The following INPP5A variants were observed in gnomAD, a reference collection of about 807,000 sequenced individuals.
The protein encoded by INPP5A is 43 kDa inositol polyphosphate 5-phophatase.
A neutral mutation model predicts 65.2 loss-of-function variants in INPP5A; 14 were observed. That is an observed-to-expected ratio of 0.21 (90% confidence interval 0.14 to 0.34). The LOEUF (loss-of-function observed/expected upper bound fraction) is 0.34, where lower values mean the gene tolerates loss of function less well. Among genes scored for constraint, INPP5A ranks in the 10% least tolerant of loss-of-function variants. The pLI, the probability that INPP5A is intolerant of heterozygous loss-of-function variation, is 1.00. For synonymous variants in INPP5A, 207 were observed against 208.3 expected (o/e 0.99, Z 0.05); for missense variants, 431 against 545.6 (o/e 0.79, Z 2.09).
chr10:132,725,435 G>T (rs571444733), intron 8 of INPP5A, among the ~76,000 whole-genome samples: 7 of 152,360 alleles, frequency 4.6e-5, no homozygotes, highest in Non-Finnish European at 7.3e-5. Flanking sequence ...GGTGTCAGCG[G>T]TGGCGGCGGG....
chr10:132,559,772 C>T (rs1017521341), intron 1 of INPP5A, among the ~76,000 whole-genome samples: 1 of 152,194 alleles, frequency 6.6e-6, no homozygotes, highest in Non-Finnish European at 1.5e-5. Flanking sequence ...AGTTACTTAG[C>T]ATGTGTGTTC....
intron 4 of INPP5A, among the ~76,000 whole-genome samples, chr10:132,669,113 C>A (rs561232835): frequency 6.6e-6 from 1 of 152,074 alleles, no homozygotes; most frequent in South Asian, 2.1e-4. Context: ...ATTAGCCAGG[C>A]GTGGTGGTGG....
intron 1 of INPP5A, among the ~76,000 whole-genome samples, chr10:132,563,648 G>A (rs2071234572): frequency 6.6e-6 from 1 of 152,128 alleles, no homozygotes; most frequent in Non-Finnish European, 1.5e-5. Flanking sequence ...GTGCGAGTGG[G>A]TGTCCTACAG....
intron 9 of INPP5A, among the ~76,000 whole-genome samples, chr10:132,740,059 T>C (rs1846246906): frequency 6.6e-6 from 1 of 152,214 alleles, no homozygotes; most frequent in African/African-American, 2.4e-5. Context: ...ATTGGCTGGT[T>C]GTCCTCCTTT....
chr10:132,582,805 T>C (rs892207022), intron 1 of INPP5A, among the ~76,000 whole-genome samples: 1 of 152,250 alleles, frequency 6.6e-6, no homozygotes, highest in African/African-American at 2.4e-5. Flanking sequence ...CATCAGTCCA[T>C]TGAATTTTAT....
intron 4 of INPP5A, among the ~76,000 whole-genome samples, chr10:132,683,763 G>A (rs2073083062): frequency 6.6e-6 from 1 of 152,220 alleles, no homozygotes; most frequent in South Asian, 2.1e-4. Flanking sequence ...CGCCCAGGCT[G>A]GAGTGCAGTG....
intron 2 of INPP5A, among the ~76,000 whole-genome samples, chr10:132,615,231 C>T (rs534562075): frequency 1.1e-4 from 17 of 152,370 alleles, no homozygotes; most frequent in Non-Finnish European, 2.2e-4. Context: ...GCCCGCAGCC[C>T]GTGGGCCACA....
chr10:132,591,623 G>T (rs541094489), intron 1 of INPP5A, among the ~76,000 whole-genome samples: 5 of 152,180 alleles, frequency 3.3e-5, no homozygotes, highest in African/African-American at 1.2e-4. Flanking sequence ...CAGGCCTTCC[G>T]CCTGGTTGTT....
In INPP5A at chr10:132,641,162, CTG is replaced by C. The variant is rs555845063; in HGVS notation, c.118-4702_118-4701del. On this transcript the variant is annotated intron_variant, in intron 2 of 15. Transcript: ENST00000368594. ...GTAGGAGTGTTTCTGTAAAGAGGGA[CTG>C]TGTCCCCTGTGCTTTTCCAGAGACA... 2.5e-4 allele frequency among the ~76,000 whole-genome samples: 38 copies of C among 152,354 alleles called. 1 individual carries two copies. The East Asian group carries it at 7.3e-3, about 29-fold the overall frequency.
At chr10:132,606,781 CA>C (rs1405773230) in intron 1 of INPP5A, among the ~76,000 whole-genome samples, 1 of 152,188 alleles carries the variant, frequency 6.6e-6, no homozygotes, top group African/African-American at 2.4e-5. Context: ...GAGACCAGGG[CA>C]GGGGCTTTAG....
intron 12 of INPP5A, among the ~76,000 whole-genome samples, chr10:132,766,217 C>A (rs1415403129): frequency 1.3e-5 from 2 of 152,244 alleles, no homozygotes; most frequent in African/African-American, 2.4e-5. Flanking sequence ...GTGTGTCCTG[C>A]ACTTGTGTGC....
chr10:132,730,383 C>T (rs936632467), intron 9 of INPP5A, among the ~76,000 whole-genome samples: 1 of 152,234 alleles, frequency 6.6e-6, no homozygotes, highest in Non-Finnish European at 1.5e-5. Context: ...GGCTGGTGGA[C>T]GTGCTGGCCG....
At position 132,705,743 on chromosome 10, in the gene INPP5A, C is replaced by A. The variant is rs891952862; in HGVS notation, c.475-2570C>A. Among the ~76,000 whole-genome samples the A allele has an allele frequency of 1.3e-5, 2 of 152,148 alleles. No individual in the cohort carries two copies. The highest frequency in any genetic ancestry group is 4.8e-5 in the African/African-American group (2 of 41,412). The stretch of plus-strand genomic sequence containing the variant: ...AGGAAGCTTGGAGCCACCTGTGGAC[C>A]CTGAGGGTGCGTCTGTGGGTGCCTC... On this transcript the variant is annotated intron_variant, in intron 6 of 15. Coordinates refer to ENST00000368594, the MANE Select transcript of INPP5A (RefSeq NM_005539.5). The surrounding 1 kb of genome is among the most constrained non-coding windows in gnomAD (Gnocchi z 4.9).
At chr10:132,559,137 C>G (rs1230610221) in intron 1 of INPP5A, among the ~76,000 whole-genome samples, 1 of 152,228 alleles carries the variant, frequency 6.6e-6, no homozygotes, top group African/African-American at 2.4e-5. Context: ...TGATCACACA[C>G]AGACGTGGTG....
chr10:132,735,046 G>C (rs961001716), intron 9 of INPP5A, among the ~76,000 whole-genome samples: 6 of 152,188 alleles, frequency 3.9e-5, no homozygotes, highest in African/African-American at 1.2e-4. Context: ...TGTGGAGCAG[G>C]TGCATCTCGA....
chr10:132,707,747 T>G lies in INPP5A; in HGVS notation c.475-566T>G, dbSNP rs1048449831. Reference sequence around the variant, plus strand: ...TTTAGACCAGAGCTCAGGCTCTACGTTCGGTGGCTCTGCTAGGTGGTGGGG... The same window carrying G: ...TTTAGACCAGAGCTCAGGCTCTACGGTCGGTGGCTCTGCTAGGTGGTGGGG... On this transcript the variant is annotated intron_variant, in intron 6 of 15. Coordinates refer to ENST00000368594, the MANE Select transcript of INPP5A (RefSeq NM_005539.5). The surrounding 1 kb of genome is among the most constrained non-coding windows in gnomAD (Gnocchi z 5.5). 6.6e-6 allele frequency among the ~76,000 whole-genome samples: 1 copy of G among 152,132 alleles called. No homozygotes were observed.
At chr10:132,726,720 C>T in intron 8 of INPP5A, 101 bp from the exon 9 acceptor site, 1 of 813,764 alleles carries the variant, frequency 1.2e-6, no homozygotes. Flanking sequence ...GGTGACAGAA[C>T]AGAGAGTGTG....
chr10:132,703,720 C>A (rs544672471), intron 6 of INPP5A, among the ~76,000 whole-genome samples: 2 of 99,856 alleles, frequency 2.0e-5, no homozygotes, highest in African/African-American at 8.3e-5. Flanking sequence ...CCCCCACACA[C>A]TCACGGCTTC....
intron 2 of INPP5A, among the ~76,000 whole-genome samples, chr10:132,608,809 C>G (rs186111630): frequency 4.3e-4 from 66 of 152,282 alleles, no homozygotes; most frequent in Non-Finnish European, 7.2e-4. Context: ...TGTTTGGCTG[C>G]TGATTGGAGA....
Sources: gnomAD v4.1 joint callset for allele counts (sites outside exome capture counted in the v4.1 genomes callset) on GRCh38, gnomAD v4.1.1 for gene constraint, Gnocchi (gnomAD v3.1) non-coding constraint, MANE v1.5 for transcripts, NCBI Gene and HGNC (gene_info 2026-07-23, HGNC 2026-07-21) for gene names.